The following BANK1 variants were observed in gnomAD, a reference collection of about 807,000 sequenced individuals.
The protein encoded by BANK1 is B-cell scaffold protein with ankyrin repeats.
Under a neutral mutation model 94.5 loss-of-function variants are expected in BANK1, and 95 were observed. The observed-to-expected ratio is 1.00, with a 90% CI of 0.85 to 1.19. The LOEUF (loss-of-function observed/expected upper bound fraction) is 1.19, where lower values mean the gene tolerates loss of function less well. Ranked by LOEUF, BANK1 falls within the 50% of genes most tolerant of loss-of-function variation. The pLI is 0.00. For missense variants in BANK1, 987 were observed against 932.2 expected (o/e 1.06, Z -0.77); for synonymous variants, 334 against 308.4 (o/e 1.08, Z -0.87).
Position 101,920,263 on chromosome 4 carries a change from C to A in BANK1, c.1206+2074C>A, listed in dbSNP as rs527865913. Among the ~76,000 whole-genome samples the A allele has an allele frequency of 2.7e-3, 406 of 151,906 alleles. 2 individuals carry two copies. Among genetic ancestry groups the A allele is most frequent in the Non-Finnish European group, 4.8e-3 (328 of 67,890 alleles). On this transcript the variant is annotated intron_variant, in intron 7 of 16. Transcript: ENST00000322953. ...GCAGAGATAGCATTAGGAGATATATCTAATATAAATGATGAGTTAATGGGT... is the reference window on the plus strand; with the variant it reads ...GCAGAGATAGCATTAGGAGATATATATAATATAAATGATGAGTTAATGGGT...
intron 7 of BANK1, among the ~76,000 whole-genome samples, chr4:101,990,772 C>T (rs1370493940): frequency 6.6e-6 from 1 of 152,062 alleles, no homozygotes; most frequent in Non-Finnish European, 1.5e-5. Flanking sequence ...TCAACATCAT[C>T]AAAATATAAG....
At chr4:102,055,331 T>C (rs1390759461) in intron 11 of BANK1, among the ~76,000 whole-genome samples, 1 of 152,012 alleles carries the variant, frequency 6.6e-6, no homozygotes, top group Non-Finnish European at 1.5e-5. Flanking sequence ...CTATTCATAA[T>C]TTTTAAAAAA....
chr4:101,936,663 G>A (rs1424587109), intron 7 of BANK1, among the ~76,000 whole-genome samples: 2 of 151,012 alleles, frequency 1.3e-5, no homozygotes, highest in African/African-American at 2.4e-5. Flanking sequence ...TTTGAATAGC[G>A]ACTCCTCAAA....
intron 1 of BANK1, among the ~76,000 whole-genome samples, chr4:101,792,059 G>C (rs1489418368): frequency 6.6e-6 from 1 of 152,092 alleles, no homozygotes; most frequent in Non-Finnish European, 1.5e-5. Flanking sequence ...TGTAATTTCA[G>C]TTTAACAATT....
intron 7 of BANK1, among the ~76,000 whole-genome samples, chr4:102,002,081 T>C (rs1231002353): frequency 2.6e-5 from 4 of 152,336 alleles, no homozygotes; most frequent in Non-Finnish European, 5.9e-5. Flanking sequence ...AACATAGAAC[T>C]GGCAGTGCCT....
chr4:101,900,261 A>G (rs1453857166), intron 6 of BANK1, among the ~76,000 whole-genome samples: 3 of 152,218 alleles, frequency 2.0e-5, no homozygotes, highest in Non-Finnish European at 2.9e-5. Context: ...ACTGAGAGTA[A>G]CAGAGTAATA....
intron 7 of BANK1, among the ~76,000 whole-genome samples, chr4:101,936,260 C>T (rs12506511): frequency 4.0e-5 from 6 of 148,988 alleles, no homozygotes; most frequent in African/African-American, 9.8e-5. Context: ...GACACACATA[C>T]ATGTATGCAT....
At chr4:102,010,364 T>C (rs914420016) in intron 7 of BANK1, among the ~76,000 whole-genome samples, 1 of 151,776 alleles carries the variant, frequency 6.6e-6, no homozygotes, top group African/African-American at 2.4e-5. Flanking sequence ...CTGAACAGAG[T>C]TGACATTGCT....
chr4:102,004,795 C>A (rs536653078), intron 7 of BANK1, among the ~76,000 whole-genome samples: 1 of 152,174 alleles, frequency 6.6e-6, no homozygotes, highest in Non-Finnish European at 1.5e-5. Flanking sequence ...AAAATTAAAG[C>A]CCTCACAGCA....
rs895674115 is a variant in BANK1, at chr4:101,910,309, T to C, written c.1010-7684T>C. ...CAGTAATTGATTGGCATCATTGTTATGTACATAACTAAAATTGACATATAT... is the reference window on the plus strand; with the variant it reads ...CAGTAATTGATTGGCATCATTGTTACGTACATAACTAAAATTGACATATAT... On this transcript the variant is annotated intron_variant, in intron 6 of 16. Transcript: ENST00000322953. Among the ~76,000 whole-genome samples the C allele has an allele frequency of 1.2e-4, 19 of 152,232 alleles. 1 individual carries two copies. The highest frequency in any genetic ancestry group is 4.3e-4 in the African/African-American group (18 of 41,460).
Position 102,060,318 on chromosome 4 carries a change from T to C in BANK1, c.2077T>C (p.Ser693Pro). ...GGAGAAAGTAAAGAATGGGAAAATG[T>C]CTATGGATGAAGCTCTGGAGAAATT... is the stretch of plus-strand genomic sequence containing the variant. ...LQEKVKNGKM[S>P]MDEALEKFKH... Residue 693 changes from serine (S) to proline (P), a missense_variant, in exon 12 of 17, where the codon TCT (serine) becomes CCT (proline). Physicochemically the swap from Ser to Pro is moderately conservative, Grantham distance 74. Transcript: ENST00000322953. 6.2e-7 allele frequency: 1 copy of C among 1,610,524 alleles called. No homozygotes were observed. The highest frequency in any genetic ancestry group is 8.5e-7 in the Non-Finnish European group (1 of 1,178,822).
intron 11 of BANK1, among the ~76,000 whole-genome samples, chr4:102,050,762 A>G (rs1728021195): frequency 2.0e-5 from 3 of 152,198 alleles, no homozygotes; most frequent in Admixed American, 1.3e-4. Context: ...CTCTAAAGTC[A>G]TAATTCTATC....
chr4:101,991,889 G>C (rs1409819270), intron 7 of BANK1, among the ~76,000 whole-genome samples: 1 of 152,164 alleles, frequency 6.6e-6, no homozygotes, highest in Non-Finnish European at 1.5e-5. Flanking sequence ...TAGTCTTTAA[G>C]GGATACACAG....
intron 7 of BANK1, among the ~76,000 whole-genome samples, chr4:102,007,117 A>AT (rs1726310210): frequency 8.7e-4 from 37 of 42,502 alleles, no homozygotes; most frequent in African/African-American, 2.3e-3. Flanking sequence ...ATATAAATAT[A>AT]TATTTTATAT....
intron 1 of BANK1, among the ~76,000 whole-genome samples, chr4:101,793,528 G>C (rs1304756140): frequency 1.3e-5 from 2 of 152,136 alleles, no homozygotes; most frequent in Non-Finnish European, 2.9e-5. Flanking sequence ...AGTTACACTT[G>C]GGACAGTAGA....
intron 7 of BANK1, among the ~76,000 whole-genome samples, chr4:101,999,433 C>G (rs1052508103): frequency 2.0e-5 from 3 of 152,124 alleles, no homozygotes; most frequent in Non-Finnish European, 2.9e-5. Flanking sequence ...AAATGGATGT[C>G]AATAAAGCAC....
At chr4:101,924,871 GAC>G (rs1723104741) in intron 7 of BANK1, among the ~76,000 whole-genome samples, 1 of 151,636 alleles carries the variant, frequency 6.6e-6, no homozygotes, top group African/African-American at 2.4e-5. Flanking sequence ...AAAAACAGGA[GAC>G]ACACATTTTT....
chr4:102,010,287 A>T (rs1006409899), intron 7 of BANK1, among the ~76,000 whole-genome samples: 2 of 152,086 alleles, frequency 1.3e-5, no homozygotes, highest in African/African-American at 4.8e-5. Context: ...ACAAGCAAAC[A>T]AAGAAACAAA....
intron 7 of BANK1, among the ~76,000 whole-genome samples, chr4:101,948,363 T>TTCCTTTC (rs1724010471): frequency 6.6e-6 from 1 of 152,110 alleles, no homozygotes; most frequent in Non-Finnish European, 1.5e-5. Context: ...GAATTAGAAC[T>TTCCTTTC]TCCTTTCTCA....
Sources: allele counts gnomAD v4.1 joint callset (sites outside exome capture counted in the v4.1 genomes callset), GRCh38; gene constraint gnomAD v4.1.1; transcripts MANE v1.5; gene names NCBI Gene and HGNC (gene_info 2026-07-23, HGNC 2026-07-21).